Variants in RFX8 observed in about 807,000 individuals in gnomAD.
RFX8 encodes DNA-binding protein RFX8.
Under a neutral mutation model 54.6 loss-of-function variants are expected in RFX8, and 46 were observed. The observed-to-expected ratio is 0.84, with a 90% CI of 0.67 to 1.08. The LOEUF (loss-of-function observed/expected upper bound fraction) is 1.08. Among genes scored for constraint, RFX8 ranks in the 50% least tolerant of loss-of-function variants. The pLI, the probability that RFX8 is intolerant of heterozygous loss-of-function variation, is 0.00. For synonymous variants in RFX8, 192 were observed against 209.5 expected (o/e 0.92, Z 0.72); for missense variants, 536 against 562.3 (o/e 0.95, Z 0.47).
In RFX8 at chr2:101,428,888, G is replaced by A. The variant is rs144235973; in HGVS notation, c.73-6416C>T. 298 of 958,836 alleles carry A rather than the reference G, an allele frequency of 3.1e-4. 1 individual carries two copies. In the African/African-American group the frequency reaches 4.1e-3, roughly 13 times the overall value. The allele number at this position is 958,836 out of a possible 1,614,324, so 59.4% of individuals were successfully genotyped here. ...GTACGCACAGAAAAACAGCTGGATC[G>A]AATTAAGCAATCACTGGTATTGCTA... On this transcript the variant is annotated intron_variant, in intron 2 of 11. Coordinates refer to ENST00000428343, the MANE Select transcript of RFX8 (RefSeq NM_001145664.2).
intron 2 of RFX8, among the ~76,000 whole-genome samples, chr2:101,427,732 C>G (rs1349524858): frequency 1.3e-5 from 2 of 152,158 alleles, no homozygotes; most frequent in Non-Finnish European, 2.9e-5. Context: ...AGTTCCCAAA[C>G]CACCCATGGC....
chr2:101,428,390 G>A (rs1016546854), intron 2 of RFX8, among the ~76,000 whole-genome samples: 5 of 152,244 alleles, frequency 3.3e-5, no homozygotes, highest in African/African-American at 1.2e-4. Flanking sequence ...GAGACACGAT[G>A]AGGAGTCGTC....
chr2:101,425,014 A>G (rs1259150384), intron 2 of RFX8, among the ~76,000 whole-genome samples: 2 of 143,528 alleles, frequency 1.4e-5, no homozygotes, highest in Non-Finnish European at 3.0e-5. Flanking sequence ...TTAAAGTATA[A>G]TTTAAAAAAT....
At chr2:101,471,408 G>A (rs768235464) in intron 1 of RFX8, among the ~76,000 whole-genome samples, 21 of 152,120 alleles carry the variant, frequency 1.4e-4, no homozygotes, top group Non-Finnish European at 2.9e-4. Flanking sequence ...GTACCTTTTC[G>A]ATACGGCTGA....
Position 101,465,849 on chromosome 2 carries a change from C to T in RFX8, c.72+928G>A, listed in dbSNP as rs376560424. On this transcript the variant is annotated intron_variant, in intron 2 of 11. Coordinates refer to ENST00000428343, the MANE Select transcript of RFX8 (RefSeq NM_001145664.2). ...ACCTTTGAGCACATCTGAGGGACTG[C>T]GTTGCACCCTTGGGGCCACCTTTAA... Among the ~76,000 whole-genome samples, 25 of 152,274 alleles carry T rather than the reference C, an allele frequency of 1.6e-4. No homozygotes were observed. The East Asian group carries it at 2.7e-3, about 16-fold the overall frequency.
In RFX8 at chr2:101,405,301, C is replaced by T. The variant is rs184163092; in HGVS notation, c.928+642G>A. Among the ~76,000 whole-genome samples the T allele has an allele frequency of 1.8e-3, 267 of 152,162 alleles. 2 individuals are homozygous for T. Among genetic ancestry groups the T allele is most frequent in the African/African-American group, 6.2e-3 (258 of 41,516 alleles). ...TGCTGGGATTACAAGCGTCCGCCAC[C>T]GCGCCCGGCTAATTTTTGTATTTTT... On this transcript the variant is annotated intron_variant, in intron 10 of 11. Transcript: ENST00000428343.
chr2:101,434,645 C>A (rs1219676235), intron 2 of RFX8, among the ~76,000 whole-genome samples: 1 of 152,168 alleles, frequency 6.6e-6, no homozygotes, highest in Non-Finnish European at 1.5e-5. Context: ...CTGAGCGGTA[C>A]CTCCTTTTAA....
At chr2:101,448,475 G>C (rs1034510596) in intron 2 of RFX8, among the ~76,000 whole-genome samples, 1 of 152,168 alleles carries the variant, frequency 6.6e-6, no homozygotes, top group Non-Finnish European at 1.5e-5. Flanking sequence ...ATTCTAATCT[G>C]TTCTTCATTG....
intron 2 of RFX8, among the ~76,000 whole-genome samples, chr2:101,464,929 G>A (rs1689493347): frequency 6.6e-6 from 1 of 152,168 alleles, no homozygotes; most frequent in Admixed American, 6.5e-5. Context: ...ACTTCCCTCT[G>A]ATAAGGGTGG....
At chr2:101,474,130 T>G in intron 1 of RFX8, 2 of 556,852 alleles carry the variant, frequency 3.6e-6, no homozygotes, top group East Asian at 3.5e-5. Context: ...AGGGCAGCCG[T>G]AGCGGGAACC....
chr2:101,469,236 C>T (rs1452685722), intron 1 of RFX8, among the ~76,000 whole-genome samples: 5 of 148,736 alleles, frequency 3.4e-5, no homozygotes, highest in African/African-American at 1.2e-4. Context: ...CTCATTGCAT[C>T]CTCAAACTCC....
intron 2 of RFX8, among the ~76,000 whole-genome samples, chr2:101,424,872 C>T (rs1232735949): frequency 2.0e-5 from 3 of 151,896 alleles, no homozygotes; most frequent in Non-Finnish European, 4.4e-5. Context: ...GTCAGGGGGT[C>T]GGGGCCTGGG....
intron 2 of RFX8, among the ~76,000 whole-genome samples, chr2:101,432,778 T>C (rs1444110364): frequency 6.6e-6 from 1 of 152,218 alleles, no homozygotes; most frequent in African/African-American, 2.4e-5. Flanking sequence ...AAGGAAGGGC[T>C]TCCAGTCCAA....
intron 2 of RFX8, among the ~76,000 whole-genome samples, chr2:101,449,080 C>T (rs1688546456): frequency 6.6e-6 from 1 of 152,094 alleles, no homozygotes; most frequent in Non-Finnish European, 1.5e-5. Flanking sequence ...GAAGAAATGG[C>T]ACTATGGAAG....
chr2:101,454,170 A>G (rs111306071), intron 2 of RFX8, among the ~76,000 whole-genome samples: 52,422 of 151,258 alleles, frequency 0.35, 9,737 homozygotes, highest in African/African-American at 0.45. Context: ...TCCTTGTGAT[A>G]GTTTGCTGAG....
chr2:101,404,568 C>A (rs1286919263), intron 10 of RFX8, among the ~76,000 whole-genome samples: 1 of 152,006 alleles, frequency 6.6e-6, no homozygotes, highest in Non-Finnish European at 1.5e-5. Flanking sequence ...GTAGCTGGAA[C>A]TACTGGGCCA....
chr2:101,429,226 T>G (rs1205711825), intron 2 of RFX8, among the ~76,000 whole-genome samples: 1 of 152,232 alleles, frequency 6.6e-6, no homozygotes, highest in Non-Finnish European at 1.5e-5. Context: ...AACCACGCAT[T>G]TATTTTTAAA....
At chr2:101,426,337 A>G (rs989559969) in intron 2 of RFX8, among the ~76,000 whole-genome samples, 1 of 151,934 alleles carries the variant, frequency 6.6e-6, no homozygotes, top group African/African-American at 2.4e-5. Context: ...CTGTCTCTAC[A>G]AAAAATTAAA....
chr2:101,419,249 A>C (rs748188381), intron 4 of RFX8, among the ~76,000 whole-genome samples: 61 of 152,214 alleles, frequency 4.0e-4, no homozygotes, highest in Non-Finnish European at 8.2e-4. Context: ...AGGGGGCTCC[A>C]GTTGATTATA....
Sources: gnomAD v4.1 joint callset for allele counts (sites outside exome capture counted in the v4.1 genomes callset) on GRCh38, gnomAD v4.1.1 for gene constraint, MANE v1.5 for transcripts, NCBI Gene and HGNC (gene_info 2026-07-23, HGNC 2026-07-21) for gene names.